IL15: variants seen among roughly 807,000 people sequenced by gnomAD.
IL15 encodes interleukin 15.
In IL15, 11 loss-of-function variants were observed where a neutral mutation model predicts 19.6. The ratio of observed to expected loss-of-function variants is 0.56; its 90% confidence interval spans 0.35 to 0.93. The LOEUF is 0.93. Among genes scored for constraint, IL15 ranks in the 40% least tolerant of loss-of-function variants. IL15 has a pLI of 0.01. For synonymous variants in IL15, 58 were observed against 59.6 expected, an observed-to-expected ratio of 0.97 and a Z score of 0.12; for missense variants, 197 against 186.5, an observed-to-expected ratio of 1.06 and a Z score of -0.33.
In IL15 at chr4:141,705,321, C is replaced by T. The variant is rs889213972; in HGVS notation, c.-99-14045C>T. Among the ~76,000 whole-genome samples the T allele has an allele frequency of 7.9e-5, 12 of 151,668 alleles. No homozygotes were observed. The East Asian group carries it at 1.5e-3, about 20-fold the overall frequency. On this transcript the variant is annotated intron_variant, in intron 2 of 7. Coordinates refer to ENST00000320650, the MANE Select transcript of IL15 (RefSeq NM_000585.5). ...TGAGGGAAATTTTTTTTCACTTTTA[C>T]TTCCCTCATTGACCCATTGGTTATT...
At chr4:141,677,383 A>G (rs931028555) in intron 2 of IL15, among the ~76,000 whole-genome samples, 1 of 152,194 alleles carries the variant, frequency 6.6e-6, no homozygotes, top group African/African-American at 2.4e-5. Context: ...GCTTTATTGT[A>G]AGAATACAGT....
At chr4:141,723,430 G>A (rs1437287729) in intron 5 of IL15, among the ~76,000 whole-genome samples, 4 of 152,096 alleles carry the variant, frequency 2.6e-5, no homozygotes, top group Admixed American at 6.6e-5. Flanking sequence ...AGAGTGATGC[G>A]GCTATAAGCC....
chr4:141,698,898 A>G (rs1175965469), intron 2 of IL15, among the ~76,000 whole-genome samples: 2 of 150,352 alleles, frequency 1.3e-5, no homozygotes, highest in Non-Finnish European at 3.0e-5. Context: ...CCTGTCTCTT[A>G]AGTTCCTTGA....
intron 3 of IL15, among the ~76,000 whole-genome samples, chr4:141,720,209 A>C (rs934416405): frequency 1.3e-5 from 2 of 152,146 alleles, no homozygotes; most frequent in African/African-American, 4.8e-5. Flanking sequence ...ATTAACAAAT[A>C]TGTCAACTTT....
At chr4:141,712,370 TG>T (rs1382994741) in intron 2 of IL15, among the ~76,000 whole-genome samples, 1 of 152,060 alleles carries the variant, frequency 6.6e-6, no homozygotes, top group Non-Finnish European at 1.5e-5. Flanking sequence ...GTTCCTGCCC[TG>T]GAGAATTATA....
rs1253096468 is a variant in IL15, at chr4:141,684,949, TTA to T, written c.-100+28644_-100+28645del. On this transcript the variant is annotated intron_variant, in intron 2 of 7. Coordinates refer to ENST00000320650, the MANE Select transcript of IL15 (RefSeq NM_000585.5). Reference sequence around the variant, plus strand: ...AAAACTGAGCTTACAGTGGCAGTGATTATGTCTTTTTTTTTTTTCTTTAACAA... The same window carrying T: ...AAAACTGAGCTTACAGTGGCAGTGATTGTCTTTTTTTTTTTTCTTTAACAA... 2.0e-5 allele frequency among the ~76,000 whole-genome samples: 3 copies of T among 152,188 alleles called. No individual in the cohort carries two copies. In the East Asian group the frequency reaches 5.8e-4, roughly 29 times the overall value.
chr4:141,641,207 A>G (rs1425602002), intron 1 of IL15, among the ~76,000 whole-genome samples: 1 of 152,226 alleles, frequency 6.6e-6, no homozygotes, highest in Non-Finnish European at 1.5e-5. Flanking sequence ...AACAAAAATA[A>G]GTACATAAAA....
intron 2 of IL15, among the ~76,000 whole-genome samples, chr4:141,712,404 AT>A (rs1283354863): frequency 1.3e-5 from 2 of 152,048 alleles, no homozygotes; most frequent in East Asian, 3.8e-4. Flanking sequence ...TTTCAAAAAC[AT>A]TTATACCAAA....
intron 2 of IL15, among the ~76,000 whole-genome samples, chr4:141,674,172 G>A (rs1490820023): frequency 6.6e-6 from 1 of 152,150 alleles, no homozygotes; most frequent in Non-Finnish European, 1.5e-5. Flanking sequence ...GGGAAGTGGG[G>A]ATTTGGTTTT....
chr4:141,727,800 T>C lies in IL15; in HGVS notation c.196-140T>C. Reference sequence around the variant, plus strand: ...GTACACAGGATCTCTCTGTATTTACTCTTACAGTTTCATATGAATTTTAAA... The same window carrying C: ...GTACACAGGATCTCTCTGTATTTACCCTTACAGTTTCATATGAATTTTAAA... On this transcript the variant is annotated intron_variant, in intron 5 of 7. Coordinates refer to ENST00000320650, the MANE Select transcript of IL15 (RefSeq NM_000585.5). 4 of 602,798 alleles carry C rather than the reference T, an allele frequency of 6.6e-6. No homozygotes were observed. In the South Asian group the frequency reaches 7.7e-5, roughly 12 times the overall value. The allele number at this position is 602,798 out of a possible 1,614,324, so 37.3% of individuals were successfully genotyped here. A position where few individuals can be genotyped will look rare whatever the true frequency, so the allele number is the denominator to read the frequency against.
chr4:141,647,636 G>T (rs746967564), intron 1 of IL15, among the ~76,000 whole-genome samples: 1 of 151,990 alleles, frequency 6.6e-6, no homozygotes, highest in Non-Finnish European at 1.5e-5. Flanking sequence ...AAAAGAGAAG[G>T]CTAGGCTTTT....
chr4:141,719,777 TATCATTCATC>T, intron 3 of IL15, among the ~76,000 whole-genome samples: 1 of 152,188 alleles, frequency 6.6e-6, no homozygotes, highest in Non-Finnish European at 1.5e-5. Flanking sequence ...AGGGTGTGGG[TATCATTCATC>T]TTTTTGAAAG....
chr4:141,720,104 A>G (rs1730022844), intron 3 of IL15, among the ~76,000 whole-genome samples: 1 of 152,134 alleles, frequency 6.6e-6, no homozygotes, highest in African/African-American at 2.4e-5. Context: ...CCTGTGCTGT[A>G]TAAAATATTT....
intron 2 of IL15, among the ~76,000 whole-genome samples, chr4:141,690,157 T>C (rs952952758): frequency 6.6e-6 from 1 of 152,178 alleles, no homozygotes; most frequent in African/African-American, 2.4e-5. Flanking sequence ...TCCGACTGCG[T>C]GGCCCACCAA....
At chr4:141,690,909 G>T (rs546171087) in intron 2 of IL15, among the ~76,000 whole-genome samples, 1 of 152,164 alleles carries the variant, frequency 6.6e-6, no homozygotes, top group South Asian at 2.1e-4. Flanking sequence ...TTTCCACTCT[G>T]CCAGGAAAGC....
intron 2 of IL15, among the ~76,000 whole-genome samples, chr4:141,696,222 C>A (rs1463865664): frequency 7.2e-5 from 11 of 152,114 alleles, no homozygotes; most frequent in Admixed American, 7.2e-4. Flanking sequence ...TCTTGGCACC[C>A]TTGTTGAATA....
chr4:141,686,744 A>G (rs1425649722), intron 2 of IL15, among the ~76,000 whole-genome samples: 1 of 152,210 alleles, frequency 6.6e-6, no homozygotes, highest in Non-Finnish European at 1.5e-5. Flanking sequence ...GCTAATTAGA[A>G]CATTTTAAAG....
chr4:141,719,560 T>A, intron 3 of IL15, 84 bp downstream of exon 3: 1 of 1,095,280 alleles, frequency 9.1e-7, no homozygotes, highest in Non-Finnish European at 1.3e-6. Flanking sequence ...ATAAGTTACA[T>A]GGTTATTCTC....
Position 141,721,325 on chromosome 4 carries a change from A to AT in IL15, c.111-595dup, listed in dbSNP as rs1291459052. 8 of 634,222 alleles carry AT rather than the reference A, an allele frequency of 1.3e-5. No homozygotes were observed. In the South Asian group the frequency reaches 1.5e-4, roughly 12 times the overall value. 39.3% of individuals were successfully genotyped at this position (634,222 alleles called of 1,614,324 possible). ...TAAGTGTATTTTGTCTGGATATTAA[A>AT]TTTTAATTTTTATGAAATTTGTGAA... On this transcript the variant is annotated intron_variant, in intron 4 of 7. Coordinates refer to ENST00000320650, the MANE Select transcript of IL15 (RefSeq NM_000585.5).
Sources: allele counts gnomAD v4.1 joint callset (sites outside exome capture counted in the v4.1 genomes callset), GRCh38; gene constraint gnomAD v4.1.1; transcripts MANE v1.5; gene names NCBI Gene and HGNC (gene_info 2026-07-23, HGNC 2026-07-21).